The following KCNH7 variants were observed in gnomAD, a reference collection of about 807,000 sequenced individuals.
KCNH7 encodes voltage-gated inwardly rectifying potassium channel KCNH7.
Under a neutral mutation model 120.8 loss-of-function variants are expected in KCNH7, and 49 were observed. That is an observed-to-expected ratio of 0.41 (90% CI 0.32 to 0.51). KCNH7 has a LOEUF of 0.51. Ranked by LOEUF, KCNH7 falls within the 20% of genes least tolerant of loss-of-function variation. The pLI is 0.38. For missense variants in KCNH7, 1,097 were observed against 1,446.6 expected (o/e 0.76, Z 3.92); for synonymous variants, 547 against 516.1 (o/e 1.06, Z -0.81).
intron 3 of KCNH7, among the ~76,000 whole-genome samples, chr2:162,520,652 C>G (rs1164205046): frequency 4.6e-5 from 7 of 151,666 alleles, no homozygotes; most frequent in Non-Finnish European, 5.9e-5. Flanking sequence ...GCCTGTAGTC[C>G]GAGCCAGTCG....
At chr2:162,467,568 G>GGTGC (rs1476958941) in intron 6 of KCNH7, among the ~76,000 whole-genome samples, 1 of 152,158 alleles carries the variant, frequency 6.6e-6, no homozygotes, top group Non-Finnish European at 1.5e-5. Flanking sequence ...CCCTTTAGAA[G>GGTGC]CAGGTGCTGG....
chr2:162,696,387 T>A (rs1686289317), intron 2 of KCNH7, among the ~76,000 whole-genome samples: 2 of 152,186 alleles, frequency 1.3e-5, no homozygotes, highest in Non-Finnish European at 2.9e-5. Flanking sequence ...TAATTTCAGG[T>A]TACTGTAATT....
intron 13 of KCNH7, among the ~76,000 whole-genome samples, chr2:162,383,966 G>A (rs1402486375): frequency 2.0e-5 from 3 of 151,774 alleles, no homozygotes; most frequent in East Asian, 1.9e-4. Flanking sequence ...AACCCAAGCA[G>A]TCGTTACTGG....
At position 162,533,551 on chromosome 2, in the gene KCNH7, GA is replaced by G. The variant is rs375173524; in HGVS notation, c.463+3373del. 1.1e-4 allele frequency among the ~76,000 whole-genome samples: 16 copies of G among 151,690 alleles called. No homozygotes were observed. The East Asian group carries it at 3.1e-3, about 30-fold the overall frequency. On this transcript the variant is annotated intron_variant, in intron 3 of 15. Coordinates refer to ENST00000332142, the MANE Select transcript of KCNH7 (RefSeq NM_033272.4). ...TTTAAGATACAGTAGAATTTAGGGG[GA>G]AAATTAGTAAACAAAAATGAGATAC...
chr2:162,444,892 A>T (rs75697689), intron 7 of KCNH7, among the ~76,000 whole-genome samples: 1 of 151,982 alleles, frequency 6.6e-6, no homozygotes, highest in African/African-American at 2.4e-5. Flanking sequence ...GCTGAGTCAC[A>T]TGTACTATCT....
chr2:162,373,816 G>T (rs1686056143), intron 14 of KCNH7, among the ~76,000 whole-genome samples, 154 bp from the exon 15 acceptor site: 2 of 152,188 alleles, frequency 1.3e-5, no homozygotes, highest in African/African-American at 4.8e-5. Flanking sequence ...TTTCCTGACG[G>T]ATACTTACTG....
chr2:162,534,867 T>C (rs748987488), intron 3 of KCNH7, among the ~76,000 whole-genome samples: 8 of 151,856 alleles, frequency 5.3e-5, no homozygotes, highest in Non-Finnish European at 1.0e-4. Context: ...TTAATATGCG[T>C]TAAGAGAACC....
intron 10 of KCNH7, among the ~76,000 whole-genome samples, chr2:162,399,373 T>A (rs993139161): frequency 6.6e-6 from 1 of 151,698 alleles, no homozygotes; most frequent in African/African-American, 2.4e-5. Context: ...TTTAAGTTTT[T>A]AAAATTTTTT....
intron 2 of KCNH7, among the ~76,000 whole-genome samples, chr2:162,824,221 A>T (rs1392922309): frequency 6.6e-6 from 1 of 152,178 alleles, no homozygotes; most frequent in African/African-American, 2.4e-5. Flanking sequence ...TGTGTAACTC[A>T]CACTATACAC....
intron 2 of KCNH7, among the ~76,000 whole-genome samples, chr2:162,631,786 A>G (rs1683776918): frequency 6.6e-6 from 1 of 152,056 alleles, no homozygotes; most frequent in Admixed American, 6.6e-5. Context: ...CAGGGAGAGT[A>G]GAGAAACTAA....
At chr2:162,710,317 C>A (rs1310889405) in intron 2 of KCNH7, among the ~76,000 whole-genome samples, 3 of 152,090 alleles carry the variant, frequency 2.0e-5, no homozygotes, top group Non-Finnish European at 4.4e-5. Context: ...ACAAAACATG[C>A]ATGTATAATA....
chr2:162,470,757 C>T (rs13409488), intron 6 of KCNH7, among the ~76,000 whole-genome samples: 11,209 of 152,202 alleles, frequency 0.074, 1,312 homozygotes, highest in African/African-American at 0.25. Context: ...CCCAACGGCT[C>T]ATTGAGAACA....
At chr2:162,723,884 C>A (rs930437141) in intron 2 of KCNH7, among the ~76,000 whole-genome samples, 1 of 152,078 alleles carries the variant, frequency 6.6e-6, no homozygotes, top group Admixed American at 6.6e-5. Context: ...TAACTAAGGA[C>A]CAATATACAC....
chr2:162,792,188 G>T (rs555707080), intron 2 of KCNH7, among the ~76,000 whole-genome samples: 1 of 152,196 alleles, frequency 6.6e-6, no homozygotes, highest in South Asian at 2.1e-4. Flanking sequence ...TGGTTTGCCA[G>T]TATTTTGTTG....
chr2:162,601,063 A>G (rs1694534864), intron 2 of KCNH7, among the ~76,000 whole-genome samples: 1 of 152,102 alleles, frequency 6.6e-6, no homozygotes, highest in Non-Finnish European at 1.5e-5. Context: ...GGAAAGGGGA[A>G]AAAAGGGTAA....
intron 2 of KCNH7, among the ~76,000 whole-genome samples, chr2:162,708,947 A>G (rs1686818797): frequency 6.6e-6 from 1 of 152,076 alleles, no homozygotes. Flanking sequence ...GGCACTCAAT[A>G]GATGATTGCT....
chr2:162,454,880 C>A (rs1399051402), intron 6 of KCNH7, among the ~76,000 whole-genome samples: 1 of 152,018 alleles, frequency 6.6e-6, no homozygotes, highest in East Asian at 1.9e-4. Context: ...ATGTCAGCTG[C>A]CAAAAGAGAC....
chr2:162,500,835 A>G (rs548235766), intron 6 of KCNH7, among the ~76,000 whole-genome samples: 9 of 152,236 alleles, frequency 5.9e-5, no homozygotes, highest in Admixed American at 2.6e-4. Context: ...CCTAAAGAAA[A>G]TAAAAAGACA....
chr2:162,433,174 G>A (rs1272817822), intron 8 of KCNH7, among the ~76,000 whole-genome samples: 2 of 152,028 alleles, frequency 1.3e-5, no homozygotes, highest in Non-Finnish European at 2.9e-5. Flanking sequence ...TGAATAAAAA[G>A]AGGCAATATT....
Sources: gnomAD v4.1 joint callset for allele counts (sites outside exome capture counted in the v4.1 genomes callset) on GRCh38, gnomAD v4.1.1 for gene constraint, MANE v1.5 for transcripts, NCBI Gene and HGNC (gene_info 2026-07-23, HGNC 2026-07-21) for gene names.